The following CRPPA variants were observed in gnomAD, a reference collection of about 807,000 sequenced individuals.
The protein encoded by CRPPA is D-ribitol-5-phosphate cytidylyltransferase.
Under a neutral mutation model 52.0 loss-of-function variants are expected in CRPPA, and 43 were observed. That is an observed-to-expected ratio of 0.83 (90% CI 0.65 to 1.07). CRPPA has a LOEUF of 1.07. Ranked by LOEUF, CRPPA falls within the 50% of genes least tolerant of loss-of-function variation. The probability of loss-of-function intolerance (pLI) is 0.00; values close to 1 mark genes in which losing one functional copy is unlikely to be tolerated. For synonymous variants in CRPPA, 250 were observed against 203.5 expected (o/e 1.23, Z -1.94); for missense variants, 629 against 551.7 (o/e 1.14, Z -1.40).
chr7:16,127,815 A>G (rs6942643), intron 9 of CRPPA, among the ~76,000 whole-genome samples: 150,811 of 152,294 alleles, frequency 0.99, 74,685 homozygotes, highest in East Asian at 1. Flanking sequence ...ACAAAAAGCT[A>G]CTCTAATGGT....
chr7:16,116,703 G>GGAAAGGGAAGGGA (rs1782382608), intron 9 of CRPPA, among the ~76,000 whole-genome samples: 3 of 149,846 alleles, frequency 2.0e-5, no homozygotes, highest in African/African-American at 4.9e-5. Context: ...GAAAGGGAAG[G>GGAAAGGGAAGGGA]GAGAGAGAGA....
chr7:16,196,335 A>G (rs925251861), intron 9 of CRPPA, among the ~76,000 whole-genome samples: 1 of 152,154 alleles, frequency 6.6e-6, no homozygotes, highest in Non-Finnish European at 1.5e-5. Flanking sequence ...TAAAGTTTCT[A>G]TAAGAGTTTA....
At chr7:16,395,920 A>G (rs1787556825) in intron 2 of CRPPA, among the ~76,000 whole-genome samples, 1 of 152,214 alleles carries the variant, frequency 6.6e-6, no homozygotes, top group Non-Finnish European at 1.5e-5. Context: ...GCTTTTTCAC[A>G]TAGTAGCTTC....
intron 3 of CRPPA, among the ~76,000 whole-genome samples, chr7:16,339,996 T>A (rs148714860): frequency 7.9e-5 from 12 of 151,968 alleles, no homozygotes; most frequent in Non-Finnish European, 1.6e-4. Flanking sequence ...AAAAACAATA[T>A]AATAAAGCAA....
chr7:16,219,380 G>T (rs918647302), intron 8 of CRPPA, among the ~76,000 whole-genome samples: 3 of 118,938 alleles, frequency 2.5e-5, no homozygotes, highest in African/African-American at 6.4e-5. Flanking sequence ...ACAATTAAAA[G>T]AACTAGAAAA....
At chr7:16,208,661 A>C (rs139041481) in intron 9 of CRPPA, among the ~76,000 whole-genome samples, 7 of 152,282 alleles carry the variant, frequency 4.6e-5, no homozygotes, top group African/African-American at 1.7e-4. Context: ...AAAGAAGGCT[A>C]TCTTTGGCTA....
intron 9 of CRPPA, among the ~76,000 whole-genome samples, chr7:16,101,756 GA>G (rs1433165055): frequency 6.6e-6 from 1 of 152,046 alleles, no homozygotes; most frequent in East Asian, 1.9e-4. Context: ...GAAGGGATGT[GA>G]AATACCTCTT....
chr7:16,328,583 T>C (rs1333721010), intron 3 of CRPPA, among the ~76,000 whole-genome samples: 1 of 152,088 alleles, frequency 6.6e-6, no homozygotes, highest in Non-Finnish European at 1.5e-5. Context: ...GGTGTGATCT[T>C]GGCTCACTGC....
intron 9 of CRPPA, among the ~76,000 whole-genome samples, chr7:16,199,026 C>T (rs148498884): frequency 2.0e-5 from 3 of 152,266 alleles, no homozygotes; most frequent in East Asian, 1.9e-4. Context: ...AGCTAACATA[C>T]ACAACTAGCC....
intron 3 of CRPPA, among the ~76,000 whole-genome samples, chr7:16,346,597 G>A (rs1180318143): frequency 1.3e-5 from 2 of 152,076 alleles, no homozygotes; most frequent in Non-Finnish European, 2.9e-5. Context: ...GCAGCAGGCT[G>A]AATTATTTGT....
intron 2 of CRPPA, among the ~76,000 whole-genome samples, chr7:16,392,911 C>T (rs1353728999): frequency 6.6e-6 from 1 of 152,120 alleles, no homozygotes; most frequent in East Asian, 1.9e-4. Context: ...ATTACTCTAT[C>T]TTTTCTCTAA....
chr7:16,421,271 G>C lies in CRPPA; in HGVS notation c.52C>G (p.Leu18Val), dbSNP rs886043287. 1.5e-6 allele frequency: 2 copies of C among 1,291,278 alleles called. No homozygotes were observed. The allele number at this position is 1,291,278 out of a possible 1,614,324, so 80.0% of individuals were successfully genotyped here. A position where few individuals can be genotyped will look rare whatever the true frequency, so the allele number is the denominator to read the frequency against. The change falls in exon 1 of 10, where the codon CTG (leucine) becomes GTG (valine). Residue 18 changes from leucine to valine, a missense_variant. Transcript: ENST00000407010. ...TGGTCCGCGCCGCGCTGACCACTCAGGCAAGGACCCGGCTCCGCCGGCCTG... is the reference window on the plus strand; with the variant it reads ...TGGTCCGCGCCGCGCTGACCACTCACGCAAGGACCCGGCTCCGCCGGCCTG... Reference protein sequence around the residue: ...SARPAEPGPCLSGQRGADHTA... With the variant: ...SARPAEPGPCVSGQRGADHTA...
At chr7:16,240,781 A>G (rs1401615688) in intron 8 of CRPPA, among the ~76,000 whole-genome samples, 1 of 152,180 alleles carries the variant, frequency 6.6e-6, no homozygotes, top group African/African-American at 2.4e-5. Context: ...ACAGAGGAAT[A>G]AGCAGGTAAG....
At chr7:16,298,829 C>T (rs951224520) in intron 5 of CRPPA, among the ~76,000 whole-genome samples, 3 of 152,116 alleles carry the variant, frequency 2.0e-5, no homozygotes, top group Admixed American at 1.3e-4. Context: ...CTGAACAGAA[C>T]AAAAAGGCAA....
intron 3 of CRPPA, among the ~76,000 whole-genome samples, chr7:16,317,914 C>T (rs979374422): frequency 2.0e-5 from 3 of 152,150 alleles, no homozygotes; most frequent in African/African-American, 7.2e-5. Flanking sequence ...TTTGTTATTT[C>T]TCTAGTCTTT....
chr7:16,135,749 C>G (rs1403732576), intron 9 of CRPPA, among the ~76,000 whole-genome samples: 2 of 152,176 alleles, frequency 1.3e-5, no homozygotes, highest in African/African-American at 4.8e-5. Context: ...CTTGCCCAGT[C>G]AGTACATTCA....
At chr7:16,320,083 T>C (rs1785226085) in intron 3 of CRPPA, among the ~76,000 whole-genome samples, 1 of 152,164 alleles carries the variant, frequency 6.6e-6, no homozygotes, top group Non-Finnish European at 1.5e-5. Flanking sequence ...CTATTCTTCA[T>C]TTGTCATTGT....
chr7:16,303,323 C>G (rs1173867862), intron 4 of CRPPA, among the ~76,000 whole-genome samples: 1 of 151,764 alleles, frequency 6.6e-6, no homozygotes, highest in Non-Finnish European at 1.5e-5. Flanking sequence ...GCCCACTTCA[C>G]TAAACAAAGT....
intron 3 of CRPPA, among the ~76,000 whole-genome samples, chr7:16,367,658 T>A (rs1562657104): frequency 6.6e-6 from 1 of 152,208 alleles, no homozygotes; most frequent in Non-Finnish European, 1.5e-5. Flanking sequence ...GAGATACAAG[T>A]CTTATTTATT....
Sources: allele counts gnomAD v4.1 joint callset (sites outside exome capture counted in the v4.1 genomes callset), GRCh38; gene constraint gnomAD v4.1.1; transcripts MANE v1.5; gene names NCBI Gene and HGNC (gene_info 2026-07-23, HGNC 2026-07-21).